Variants in PAG1 observed in about 807,000 individuals in gnomAD.
PAG1 encodes phosphoprotein associated with glycosphingolipid-enriched microdomains 1.
In PAG1, 23 loss-of-function variants were observed where a neutral mutation model predicts 31.7. That is an observed-to-expected ratio of 0.73 (90% CI 0.52 to 1.03). The LOEUF (loss-of-function observed/expected upper bound fraction) is 1.03. Among genes scored for constraint, PAG1 ranks in the 50% least tolerant of loss-of-function variants. The pLI is 0.00. For missense variants in PAG1, 473 were observed against 540.7 expected (o/e 0.87, Z 1.24); for synonymous variants, 214 against 210.3 (o/e 1.02, Z -0.15).
At chr8:81,034,236 A>T (rs972046332) in intron 2 of PAG1, among the ~76,000 whole-genome samples, 1 of 152,252 alleles carries the variant, frequency 6.6e-6, no homozygotes, top group African/African-American at 2.4e-5. Flanking sequence ...AGAACAGTTC[A>T]ACGTACTGAG....
At chr8:81,075,649 T>C (rs1185674352) in intron 1 of PAG1, among the ~76,000 whole-genome samples, 1 of 152,194 alleles carries the variant, frequency 6.6e-6, no homozygotes, top group African/African-American at 2.4e-5. Context: ...ATGGGGAAAC[T>C]GAGGCCTAGA....
At chr8:80,978,537 T>C (rs892977341) in intron 8 of PAG1, among the ~76,000 whole-genome samples, 1 of 152,190 alleles carries the variant, frequency 6.6e-6, no homozygotes, top group Admixed American at 6.5e-5. Context: ...TTGACCTAGA[T>C]TGTAACAATG....
rs554317687 is a variant in PAG1 at position 80,997,740 on chromosome 8, A to T, written c.-80-4433T>A. ...GATGGTAATATTAATGTGATCACAG[A>T]TTTAGATTAATAGTTGTACATTAAT... On this transcript the variant is annotated intron_variant, in intron 3 of 8. Transcript: ENST00000220597. Among the ~76,000 whole-genome samples the T allele has an allele frequency of 4.6e-5, 7 of 151,364 alleles. No homozygotes were observed. In the South Asian group the frequency reaches 1.5e-3, roughly 32 times the overall value.
At chr8:81,081,877 T>C (rs1037816147) in intron 1 of PAG1, among the ~76,000 whole-genome samples, 3 of 152,244 alleles carry the variant, frequency 2.0e-5, no homozygotes, top group African/African-American at 7.2e-5. Context: ...ATAAGGTTGC[T>C]ATAAGCATTA....
In PAG1 at chr8:81,020,179, T is replaced by C. The variant is rs969187650; in HGVS notation, c.-81+9817A>G. ...ACTTGTTTTTGATTTTACAGGCTCATAGATGGAAGGGATTTGCCTTGTCTC... is the reference window on the plus strand; with the variant it reads ...ACTTGTTTTTGATTTTACAGGCTCACAGATGGAAGGGATTTGCCTTGTCTC... On this transcript the variant is annotated intron_variant, in intron 3 of 8. Transcript: ENST00000220597. 2.6e-5 allele frequency among the ~76,000 whole-genome samples: 4 copies of C among 152,198 alleles called. No homozygotes were observed. In the East Asian group the frequency reaches 5.8e-4, roughly 22 times the overall value.
intron 2 of PAG1, among the ~76,000 whole-genome samples, chr8:81,033,786 T>C (rs1003347032): frequency 6.6e-6 from 1 of 152,216 alleles, no homozygotes; most frequent in African/African-American, 2.4e-5. Context: ...GAAACAGAGC[T>C]CCATTCTGGG....
intron 3 of PAG1, among the ~76,000 whole-genome samples, chr8:80,999,008 C>T (rs1036156545): frequency 1.4e-4 from 22 of 152,164 alleles, no homozygotes; most frequent in Admixed American, 9.8e-4. Context: ...TTAATGATGG[C>T]GGAGGAAGCA....
At chr8:80,981,483 C>T (rs886372177) in intron 7 of PAG1, among the ~76,000 whole-genome samples, 1 of 152,054 alleles carries the variant, frequency 6.6e-6, no homozygotes, top group Non-Finnish European at 1.5e-5. Flanking sequence ...TTTGCATCTT[C>T]TCCTCTTCTC....
At chr8:81,042,950 G>A (rs1808579447) in intron 2 of PAG1, among the ~76,000 whole-genome samples, 2 of 152,034 alleles carry the variant, frequency 1.3e-5, no homozygotes, top group African/African-American at 4.8e-5. Flanking sequence ...ATGCTGATGG[G>A]CTCCACCAAT....
chr8:80,980,950 C>T (rs1488493463), intron 7 of PAG1, among the ~76,000 whole-genome samples: 2 of 152,214 alleles, frequency 1.3e-5, no homozygotes, highest in Non-Finnish European at 2.9e-5. Context: ...CATTTTGTGT[C>T]TTGCCCCCTG....
At chr8:81,064,807 G>A (rs536079885) in intron 2 of PAG1, among the ~76,000 whole-genome samples, 6 of 152,274 alleles carry the variant, frequency 3.9e-5, no homozygotes, top group South Asian at 4.1e-4. Flanking sequence ...GGAAAAACTC[G>A]AAGACACTGA....
chr8:81,087,067 A>G (rs956987888), intron 1 of PAG1, among the ~76,000 whole-genome samples: 4 of 152,188 alleles, frequency 2.6e-5, no homozygotes, highest in Admixed American at 2.0e-4. Flanking sequence ...AGAAGCGGCC[A>G]GGCGTGGTGG....
At position 80,969,006 on chromosome 8, in the gene PAG1, T is replaced by A. The variant is rs1807021743; in HGVS notation, c.*7538A>T. ...ATACTCGAAGCAAATAAAAAGATAA[T>A]TTTTAAAAAGTGTCAAGGTCGCAAG... is the stretch of plus-strand genomic sequence containing the variant. On this transcript the variant is annotated 3_prime_UTR_variant, in exon 9 of 9. Transcript: ENST00000220597. 1.3e-5 allele frequency: 2 copies of A among 152,164 alleles called. No homozygotes were observed. The highest frequency in any genetic ancestry group is 1.3e-4 in the Admixed American group (2 of 15,274). The allele number at this position is 152,164 out of a possible 1,614,324, so 9.4% of individuals were successfully genotyped here. A position where few individuals can be genotyped will look rare whatever the true frequency, so the allele number is the denominator to read the frequency against.
At chr8:81,000,930 C>T (rs1384460442) in intron 3 of PAG1, among the ~76,000 whole-genome samples, 1 of 152,186 alleles carries the variant, frequency 6.6e-6, no homozygotes, top group African/African-American at 2.4e-5. Context: ...TGACCCCTCT[C>T]TGCAATGACA....
intron 5 of PAG1, 111 bp downstream of exon 5, chr8:80,991,368 T>A: frequency 1.2e-6 from 1 of 806,930 alleles, no homozygotes; most frequent in South Asian, 1.4e-5. Context: ...TAGGCTTAGC[T>A]CTCCCCGTGG....
chr8:81,039,860 A>G (rs1808525608), intron 2 of PAG1, among the ~76,000 whole-genome samples: 2 of 152,216 alleles, frequency 1.3e-5, no homozygotes, highest in Non-Finnish European at 2.9e-5. Flanking sequence ...TGCATTTTCA[A>G]TTGTATTTTT....
chr8:81,049,490 T>C (rs879505637), intron 2 of PAG1, among the ~76,000 whole-genome samples: 1 of 152,206 alleles, frequency 6.6e-6, no homozygotes, highest in Non-Finnish European at 1.5e-5. Context: ...ATTACAATTA[T>C]ACCTAAATAA....
rs146474990 is a variant in PAG1 at position 81,031,190 on chromosome 8, G to T, written c.-174-1101C>A. 3.7e-4 allele frequency among the ~76,000 whole-genome samples: 57 copies of T among 152,322 alleles called. 1 individual carries two copies. In the East Asian group the frequency reaches 0.011, roughly 29 times the overall value. ...ATATCTATTGTTTCCCTGACAGTTA[G>T]AAAGTGAGAAACTGCTGTCTTTTGT... is the stretch of plus-strand genomic sequence containing the variant. On this transcript the variant is annotated intron_variant, in intron 2 of 8. Transcript: ENST00000220597.
intron 2 of PAG1, among the ~76,000 whole-genome samples, chr8:81,050,594 TACTC>T (rs1808712526): frequency 6.6e-6 from 1 of 152,082 alleles, no homozygotes; most frequent in South Asian, 2.1e-4. Flanking sequence ...AAAAAAATGG[TACTC>T]ACAGTCCTTT....
Sources: allele counts gnomAD v4.1 joint callset (sites outside exome capture counted in the v4.1 genomes callset), GRCh38; gene constraint gnomAD v4.1.1; transcripts MANE v1.5; gene names NCBI Gene and HGNC (gene_info 2026-07-23, HGNC 2026-07-21).